TAFA4: variants seen among roughly 807,000 people sequenced by gnomAD.
TAFA4 encodes the protein TAFA chemokine like family member 4, also known as chemokine-like protein TAFA-4.
Under a neutral mutation model 21.1 loss-of-function variants are expected in TAFA4, and 20 were observed. The observed-to-expected ratio is 0.95, with a 90% CI of 0.67 to 1.38. The LOEUF is 1.38. Among genes scored for constraint, TAFA4 ranks in the 40% most tolerant of loss-of-function variants. The pLI is 0.00. For missense variants in TAFA4, 211 were observed against 180.9 expected, an observed-to-expected ratio of 1.17 and a Z score of -0.95; for synonymous variants, 71 against 67.4, an observed-to-expected ratio of 1.05 and a Z score of -0.26.
intron 2 of TAFA4, 82 bp downstream of exon 2, chr3:68,885,093 C>A: frequency 1.5e-6 from 2 of 1,355,546 alleles, no homozygotes; most frequent in South Asian, 1.2e-5. Context: ...AACGGATCAT[C>A]AACTCCAGGA....
intron 3 of TAFA4, among the ~76,000 whole-genome samples, chr3:68,770,690 A>G (rs1702939004): frequency 6.6e-6 from 1 of 152,208 alleles, no homozygotes; most frequent in South Asian, 2.1e-4. Flanking sequence ...CCGGCTCTCA[A>G]GACCCACCTC....
At chr3:68,824,828 C>T (rs1057512576) in intron 3 of TAFA4, among the ~76,000 whole-genome samples, 2 of 152,168 alleles carry the variant, frequency 1.3e-5, no homozygotes, top group African/African-American at 2.4e-5. Flanking sequence ...AGCTACCTGA[C>T]TCTAACGGCA....
At chr3:68,852,431 T>C (rs1575641455) in intron 3 of TAFA4, among the ~76,000 whole-genome samples, 1 of 152,066 alleles carries the variant, frequency 6.6e-6, no homozygotes, top group South Asian at 2.1e-4. Flanking sequence ...AGCAACTAGG[T>C]ATAAAAGTCC....
chr3:68,802,545 A>T (rs966888930), intron 3 of TAFA4, among the ~76,000 whole-genome samples: 1 of 152,102 alleles, frequency 6.6e-6, no homozygotes, highest in African/African-American at 2.4e-5. Context: ...GTGCTTTGGT[A>T]TGGTGAGTAT....
intron 3 of TAFA4, among the ~76,000 whole-genome samples, chr3:68,764,388 A>G (rs1450334517): frequency 1.3e-5 from 2 of 152,170 alleles, no homozygotes; most frequent in African/African-American, 4.8e-5. Context: ...CTATAACAAA[A>G]TAAATTTATT....
intron 1 of TAFA4, among the ~76,000 whole-genome samples, chr3:68,898,501 C>G (rs1038577069): frequency 5.3e-5 from 8 of 152,106 alleles, no homozygotes; most frequent in Non-Finnish European, 8.8e-5. Flanking sequence ...ACAAAATTAG[C>G]CAGGCATAGT....
intron 1 of TAFA4, among the ~76,000 whole-genome samples, chr3:68,899,006 C>G (rs1043327591): frequency 6.6e-6 from 1 of 152,158 alleles, no homozygotes; most frequent in Non-Finnish European, 1.5e-5. Flanking sequence ...CTACAGAAAG[C>G]CCAACTCAGA....
intron 3 of TAFA4, among the ~76,000 whole-genome samples, chr3:68,873,432 A>G (rs891036064): frequency 4.2e-4 from 63 of 151,228 alleles, no homozygotes; most frequent in African/African-American, 1.3e-3. Context: ...CAATTTCTAG[A>G]TGGTATCCTG....
intron 1 of TAFA4, among the ~76,000 whole-genome samples, chr3:68,894,859 T>G (rs78265171): frequency 0.022 from 3,324 of 152,194 alleles, 112 homozygotes; most frequent in African/African-American, 0.077. Flanking sequence ...TGTTTTGTTT[T>G]GTTTTGTTTT....
chr3:68,786,087 A>C (rs1703254873), intron 3 of TAFA4, among the ~76,000 whole-genome samples: 1 of 152,194 alleles, frequency 6.6e-6, no homozygotes, highest in South Asian at 2.1e-4. Flanking sequence ...ATATGGCTTG[A>C]TATCTAGAAT....
At chr3:68,760,683 T>A (rs896973148) in intron 3 of TAFA4, among the ~76,000 whole-genome samples, 1 of 152,326 alleles carries the variant, frequency 6.6e-6, no homozygotes, top group Non-Finnish European at 1.5e-5. Flanking sequence ...CAAGATTTCA[T>A]GAAATGAAAG....
At chr3:68,799,158 T>A (rs1168169254) in intron 3 of TAFA4, among the ~76,000 whole-genome samples, 1 of 152,002 alleles carries the variant, frequency 6.6e-6, no homozygotes, top group Non-Finnish European at 1.5e-5. Flanking sequence ...TATGAATGTG[T>A]TGTCTTACCT....
At chr3:68,745,389 TGA>T (rs1254267021) in intron 4 of TAFA4, among the ~76,000 whole-genome samples, 2 of 152,320 alleles carry the variant, frequency 1.3e-5, no homozygotes, top group Non-Finnish European at 1.5e-5. Flanking sequence ...ACACTTTAAA[TGA>T]GAAAGTGTCT....
intron 3 of TAFA4, among the ~76,000 whole-genome samples, chr3:68,810,305 G>C (rs1703805219): frequency 1.3e-5 from 2 of 152,110 alleles, no homozygotes; most frequent in African/African-American, 4.8e-5. Flanking sequence ...CATCTCACTG[G>C]GGAGTGTCGG....
intron 4 of TAFA4, among the ~76,000 whole-genome samples, chr3:68,746,834 C>CTTTGGGAACCTCTAAGTCAGGGTTT (rs1702467362): frequency 6.6e-6 from 1 of 152,200 alleles, no homozygotes; most frequent in Non-Finnish European, 1.5e-5. Flanking sequence ...TATCCACATA[C>CTTTGGGAACCTCTAAGTCAGGGTTT]TTTGGGAACC....
intron 3 of TAFA4, among the ~76,000 whole-genome samples, chr3:68,818,634 A>G (rs1174982119): frequency 4.6e-5 from 7 of 152,178 alleles, no homozygotes; most frequent in Admixed American, 3.3e-4. Context: ...CCTAATTGTA[A>G]TATTATTGTG....
At chr3:68,874,809 A>C (rs2089527449) in intron 3 of TAFA4, among the ~76,000 whole-genome samples, 1 of 149,590 alleles carries the variant, frequency 6.7e-6, no homozygotes, top group East Asian at 2.0e-4. Context: ...CACACACACA[A>C]AGGATGTAAA....
At chr3:68,840,366 GC>G (rs1704633124) in intron 3 of TAFA4, among the ~76,000 whole-genome samples, 1 of 151,840 alleles carries the variant, frequency 6.6e-6, no homozygotes, top group Admixed American at 6.6e-5. Flanking sequence ...GTGCCACCAT[GC>G]CCAACTAATT....
At chr3:68,928,147 G>T (rs1405779192) in intron 1 of TAFA4, among the ~76,000 whole-genome samples, 2 of 152,088 alleles carry the variant, frequency 1.3e-5, no homozygotes, top group Non-Finnish European at 2.9e-5. Flanking sequence ...GACAGCTTTT[G>T]AATTAAAAAG....
Sources: gnomAD v4.1 joint callset for allele counts (sites outside exome capture counted in the v4.1 genomes callset) on GRCh38, gnomAD v4.1.1 for gene constraint, MANE v1.5 for transcripts, NCBI Gene and HGNC (gene_info 2026-07-23, HGNC 2026-07-21) for gene names.